Variants in SYNE2 observed in about 807,000 individuals in gnomAD.
The protein encoded by SYNE2 is nesprin-2.
A neutral mutation model predicts 856.3 loss-of-function variants in SYNE2; 431 were observed. The ratio of observed to expected loss-of-function variants is 0.50; its 90% CI spans 0.47 to 0.55. SYNE2 has a LOEUF of 0.55. Among genes scored for constraint, SYNE2 ranks in the 20% least tolerant of loss-of-function variants. SYNE2 has a pLI of 0.00. For synonymous variants in SYNE2, 2,923 were observed against 2,872.3 expected (o/e 1.02, Z -0.56); for missense variants, 8,129 against 8,023.2 (o/e 1.01, Z -0.50).
intron 70 of SYNE2, among the ~76,000 whole-genome samples, chr14:64,124,494 G>T (rs1416531880): frequency 6.6e-6 from 1 of 151,292 alleles, no homozygotes; most frequent in Non-Finnish European, 1.5e-5. Context: ...AAAGTACTAG[G>T]ATTATAGGCA....
Position 64,137,844 on chromosome 14 carries a change from G to A in SYNE2, c.14704G>A (p.Gly4902Ser). The change falls in exon 79 of 116, where the codon GGC (glycine) becomes AGC (serine). Residue 4902 changes from glycine (G) to serine (S), a missense_variant. Coordinates refer to ENST00000555002, the MANE Select transcript of SYNE2 (RefSeq NM_182914.3). Reference sequence around the variant, plus strand: ...CCGGCTTTACCAAACTCTGAACGAAGGCAAACAGTTGGTGGCGTCTGTGAG... The same window carrying A: ...CCGGCTTTACCAAACTCTGAACGAAAGCAAACAGTTGGTGGCGTCTGTGAG... ...HARLYQTLNE[G>S]KQLVASVSCP... 1 of 1,614,202 alleles carries A rather than the reference G, an allele frequency of 6.2e-7. No homozygotes were observed. Among genetic ancestry groups the A allele is most frequent in the Non-Finnish European group, 8.5e-7 (1 of 1,180,040 alleles).
rs748379294 is a variant in SYNE2 at position 64,070,625 on chromosome 14, C to A, written c.10432-20C>A. ...ATTGTATATTTTACTTATTTTAGTT[C>A]TTTTTGTTTTTTGAATTAGATTGAA... On this transcript the variant is annotated intron_variant, in intron 51 of 115. Transcript: ENST00000555002. 10 of 1,601,894 alleles carry A rather than the reference C, an allele frequency of 6.2e-6. No homozygotes were observed. Among genetic ancestry groups the A allele is most frequent in the Non-Finnish European group, 8.5e-6 (10 of 1,171,258 alleles).
intron 1 of SYNE2, among the ~76,000 whole-genome samples, chr14:63,838,579 A>G (rs1275935948): frequency 6.6e-6 from 1 of 151,984 alleles, no homozygotes; most frequent in Non-Finnish European, 1.5e-5. Flanking sequence ...CAGTGGCGCA[A>G]TCATAGCTCA....
chr14:64,141,051 T>C (rs2098135415), intron 80 of SYNE2, among the ~76,000 whole-genome samples: 1 of 152,216 alleles, frequency 6.6e-6, no homozygotes, highest in African/African-American at 2.4e-5. Flanking sequence ...ATGTGCACTT[T>C]GTGTTGGGTT....
chr14:63,944,419 C>T (rs2095983977), intron 6 of SYNE2, among the ~76,000 whole-genome samples: 1 of 150,832 alleles, frequency 6.6e-6, no homozygotes, highest in East Asian at 1.9e-4. Flanking sequence ...TAAGAATGCC[C>T]TTAAGGTAAA....
At chr14:64,089,895 A>C (rs915904838) in intron 59 of SYNE2, among the ~76,000 whole-genome samples, 199 bp downstream of exon 59, 2 of 152,194 alleles carry the variant, frequency 1.3e-5, no homozygotes, top group African/African-American at 4.8e-5. Context: ...TAATTTTCCT[A>C]TAGGTTATTT....
At chr14:63,783,993 G>A (rs1226218332) in intron 1 of SYNE2, among the ~76,000 whole-genome samples, 1 of 152,174 alleles carries the variant, frequency 6.6e-6, no homozygotes, top group Non-Finnish European at 1.5e-5. Context: ...AAGGGGTAAA[G>A]AACACAGTTG....
Position 64,213,108 on chromosome 14 carries a change from G to A in SYNE2, c.19056+103G>A. The A allele has an allele frequency of 2.4e-6, 3 of 1,258,284 alleles. No individual in the cohort carries two copies. In the South Asian group the frequency reaches 3.9e-5, roughly 16 times the overall value. The allele number at this position is 1,258,284 out of a possible 1,614,324, so 77.9% of individuals were successfully genotyped here. A position where few individuals can be genotyped will look rare whatever the true frequency, so the allele number is the denominator to read the frequency against. On this transcript the variant is annotated intron_variant, in intron 105 of 115. Coordinates refer to ENST00000555002, the MANE Select transcript of SYNE2 (RefSeq NM_182914.3). ...GACCTGTCTTATAATGGTTAATTAT[G>A]GTTTATTTTTTGGTTGAAAAGAAAG...
At chr14:64,039,265 G>A (rs2097128713) in intron 45 of SYNE2, among the ~76,000 whole-genome samples, 3 of 152,260 alleles carry the variant, frequency 2.0e-5, no homozygotes, top group South Asian at 2.1e-4. Flanking sequence ...GTTTCTGCCT[G>A]TCACAAAGTT....
rs1282087506 is a variant in SYNE2 at position 64,226,352 on chromosome 14, CG to C, written c.*832del. The C allele has an allele frequency of 7.8e-5, 5 of 64,452 alleles. No homozygotes were observed. Among genetic ancestry groups the C allele is most frequent in the Non-Finnish European group, 1.6e-4 (5 of 31,678 alleles). 4.0% of individuals were successfully genotyped at this position (64,452 alleles called of 1,614,324 possible). On this transcript the variant is annotated 3_prime_UTR_variant, in exon 116 of 116. Transcript: ENST00000555002. Reference sequence around the variant, plus strand: ...TGTTTGGCCACGGCGGGGGTGGGGGCGGGGGGTTGGTACAGAAACTTGAAGC... The same window carrying C: ...TGTTTGGCCACGGCGGGGGTGGGGGCGGGGGTTGGTACAGAAACTTGAAGC...
In SYNE2 at chr14:64,003,337, A is replaced by G. The variant is rs2096769485; in HGVS notation, c.4397+7A>G. The G allele has an allele frequency of 3.7e-6, 6 of 1,614,028 alleles. No homozygotes were observed. The highest frequency in any genetic ancestry group is 1.7e-4 in the Middle Eastern group (1 of 6,060). On this transcript the variant is annotated splice_region_variant and intron_variant, in intron 30 of 115. Transcript: ENST00000555002. ...TTCCAGCTGTGAAACATCGGTAAGT[A>G]TTGTCCATCCATTTCCATCCAAGGT...
intron 1 of SYNE2, among the ~76,000 whole-genome samples, chr14:63,900,259 A>G (rs1269480541): frequency 1.3e-5 from 2 of 152,216 alleles, no homozygotes; most frequent in East Asian, 3.8e-4. Context: ...CCAAAAGTGT[A>G]ATGCATAGAT....
intron 23 of SYNE2, 122 bp downstream of exon 23, chr14:63,995,324 G>A (rs2096704723): frequency 2.2e-5 from 17 of 760,622 alleles, no homozygotes; most frequent in South Asian, 6.5e-5. Context: ...TCCTCTCCCC[G>A]GGGATGATCA....
intron 50 of SYNE2, among the ~76,000 whole-genome samples, chr14:64,065,102 A>T (rs995856595): frequency 6.6e-6 from 1 of 152,078 alleles, no homozygotes; most frequent in African/African-American, 2.4e-5. Context: ...TGATCTCATG[A>T]TCCACCCACC....
intron 23 of SYNE2, 116 bp downstream of exon 23, chr14:63,995,318 C>T (rs549888352): frequency 4.9e-5 from 40 of 818,212 alleles, no homozygotes; most frequent in Admixed American, 1.8e-4. Flanking sequence ...TAGCCCTCCT[C>T]TCCCCGGGGA....
At chr14:63,772,330 G>A (rs935589917) in intron 1 of SYNE2, among the ~76,000 whole-genome samples, 1 of 152,082 alleles carries the variant, frequency 6.6e-6, no homozygotes, top group African/African-American at 2.4e-5. Context: ...CTCCAGCCTG[G>A]GCGGCAGAAT....
At chr14:64,138,035 C>G (rs1340032589) in intron 79 of SYNE2, 52 bp downstream of exon 79, 1 of 1,567,352 alleles carries the variant, frequency 6.4e-7, no homozygotes, top group Non-Finnish European at 8.7e-7. Context: ...GAAGAAAGAC[C>G]TCGGGGATTC....
At chr14:64,200,654 C>T (rs549723444) in intron 99 of SYNE2, among the ~76,000 whole-genome samples, 19 of 152,280 alleles carry the variant, frequency 1.2e-4, no homozygotes, top group African/African-American at 4.3e-4. Flanking sequence ...TTGAAGGGAA[C>T]GTATCCTTGT....
At chr14:63,839,230 C>T (rs1353582738) in intron 1 of SYNE2, among the ~76,000 whole-genome samples, 3 of 151,886 alleles carry the variant, frequency 2.0e-5, no homozygotes, top group African/African-American at 2.4e-5. Flanking sequence ...GGGGTTTCAC[C>T]GTGTTAGCCA....
Sources: gnomAD v4.1 joint callset for allele counts (sites outside exome capture counted in the v4.1 genomes callset) on GRCh38, gnomAD v4.1.1 for gene constraint, MANE v1.5 for transcripts, NCBI Gene and HGNC (gene_info 2026-07-23, HGNC 2026-07-21) for gene names.